Variants in NOL4L observed in about 807,000 individuals in gnomAD.
NOL4L encodes nucleolar protein 4 like, also known as nucleolar protein 4-like.
Under a neutral mutation model 64.5 loss-of-function variants are expected in NOL4L, and 7 were observed. The observed-to-expected ratio is 0.11, with a 90% CI of 0.06 to 0.20. The LOEUF (loss-of-function observed/expected upper bound fraction) is 0.20. NOL4L is among the 10% of genes least tolerant of loss of function. The pLI is 1.00. For missense variants in NOL4L, 680 were observed against 967.1 expected (o/e 0.70, Z 3.94); for synonymous variants, 413 against 401.0 (o/e 1.03, Z -0.36).
chr20:32,454,544 C>T (rs2013281621), intron 6 of NOL4L, among the ~76,000 whole-genome samples: 1 of 152,234 alleles, frequency 6.6e-6, no homozygotes. Context: ...GCAGCTCCCT[C>T]TTTTCCCCCA....
Position 32,585,024 on chromosome 20 carries a change from G to C in NOL4L, c.-134C>G, listed in dbSNP as rs1980798094. The stretch of plus-strand genomic sequence containing the variant: ...CTGTCCCGCGGTGTGGCTCCGGCGA[G>C]GCTGCTGGATGGGCGCGGGCGGCGG... On this transcript the variant is annotated 5_prime_UTR_variant, in exon 1 of 11. Transcript: ENST00000621426. 4 of 380,812 alleles carry C rather than the reference G, an allele frequency of 1.1e-5. No individual in the cohort carries two copies. The highest frequency in any genetic ancestry group is 9.7e-5 in the South Asian group (1 of 10,350). The allele number at this position is 380,812 out of a possible 1,614,324, so 23.6% of individuals were successfully genotyped here. A position where few individuals can be genotyped will look rare whatever the true frequency, so the allele number is the denominator to read the frequency against.
At chr20:32,490,075 G>GC (rs1462122639) in intron 4 of NOL4L, among the ~76,000 whole-genome samples, 1 of 137,604 alleles carries the variant, frequency 7.3e-6, no homozygotes, top group Non-Finnish European at 1.5e-5. Context: ...GCTGCAGTAA[G>GC]CCGGGATCAT....
At position 32,566,646 on chromosome 20, in the gene NOL4L, A is replaced by G. The variant is rs376158289; in HGVS notation, c.321+17924T>C. 7.9e-5 allele frequency among the ~76,000 whole-genome samples: 12 copies of G among 152,088 alleles called. No homozygotes were observed. In the East Asian group the frequency reaches 9.7e-4, roughly 12 times the overall value. On this transcript the variant is annotated intron_variant, in intron 1 of 10. Transcript: ENST00000621426. ...TCTACTTGGAATGTTTTTCCACCCA[A>G]TTCCCGTATAATTTGCTCCTACGGG...
At chr20:32,536,595 C>T (rs896362738) in intron 1 of NOL4L, among the ~76,000 whole-genome samples, 4 of 148,702 alleles carry the variant, frequency 2.7e-5, no homozygotes, top group Admixed American at 6.6e-5. Context: ...GGAGGGCCTG[C>T]TGGAGCGGCT....
At chr20:32,478,273 A>ACACACACACACACACACACT (rs1373957221) in intron 4 of NOL4L, among the ~76,000 whole-genome samples, 2 of 143,332 alleles carry the variant, frequency 1.4e-5, no homozygotes, top group South Asian at 2.2e-4. Context: ...ACACACACAC[A>ACACACACACACACACACACT]CTCTCTCTCT....
intron 4 of NOL4L, among the ~76,000 whole-genome samples, chr20:32,503,189 T>C (rs966484884): frequency 2.0e-5 from 3 of 152,180 alleles, no homozygotes; most frequent in African/African-American, 4.8e-5. Context: ...TGCTGCAGCA[T>C]AAACCTTCCA....
chr20:32,452,376 G>A lies in NOL4L; in HGVS notation c.1682C>T (p.Thr561Ile), dbSNP rs769277120. Residue 561 changes from threonine (T) to isoleucine (I), a missense_variant, in exon 10 of 11, where the codon ACC (threonine) becomes ATC (isoleucine). This residue lies in a region of NOL4L where 175 missense variants were observed against 227.0 expected (regional missense o/e 0.77). Coordinates refer to ENST00000621426, the MANE Select transcript of NOL4L (RefSeq NM_001256798.2). ...SRDSAAITHS[T>I]YSLPASSYSQ... The stretch of plus-strand genomic sequence containing the variant: ...GTAGGAGGAGGCTGGCAGTGAGTAG[G>A]TGGAGTGGGTGATGGCTGCGGAGTC... 1.9e-6 allele frequency: 3 copies of A among 1,612,414 alleles called. No individual in the cohort carries two copies. Among genetic ancestry groups the A allele is most frequent in the Non-Finnish European group, 2.5e-6 (3 of 1,179,192 alleles).
chr20:32,544,500 A>T (rs1375331342), intron 1 of NOL4L, among the ~76,000 whole-genome samples: 4 of 152,118 alleles, frequency 2.6e-5, no homozygotes, highest in Non-Finnish European at 5.9e-5. Flanking sequence ...GGTGCCAACA[A>T]GGATTTTTCT....
intron 4 of NOL4L, chr20:32,509,699 T>C: frequency 8.3e-7 from 1 of 1,198,200 alleles, no homozygotes; most frequent in Non-Finnish European, 1.1e-6. Flanking sequence ...CAAGTGAAGA[T>C]ACAGTTAGGA....
intron 4 of NOL4L, among the ~76,000 whole-genome samples, chr20:32,488,849 TTCTTTCTTTCTTTCTTTC>T: frequency 1.0e-5 from 1 of 97,334 alleles, no homozygotes; most frequent in African/African-American, 6.4e-5. Flanking sequence ...CTTTCTTTCT[TTCTTTCTTTCTTTCTTTC>T]TTTCTTTCTT....
In NOL4L at chr20:32,462,865, A is replaced by G. The variant is rs546061809; in HGVS notation, c.842-6470T>C. ...GGTTGCAGTGAGACAAGATCGCGCC[A>G]TTGGACTTCAGCCTGGCGACAAAGC... On this transcript the variant is annotated intron_variant, in intron 5 of 10. Transcript: ENST00000621426. 7.2e-5 allele frequency among the ~76,000 whole-genome samples: 10 copies of G among 138,294 alleles called. No individual in the cohort carries two copies. In the South Asian group the frequency reaches 2.2e-3, roughly 30 times the overall value. 90.7% of individuals were successfully genotyped at this position (138,294 alleles called of 152,430 possible).
At chr20:32,582,385 A>G (rs1442514006) in intron 1 of NOL4L, among the ~76,000 whole-genome samples, 2 of 152,108 alleles carry the variant, frequency 1.3e-5, no homozygotes, top group African/African-American at 2.4e-5. Context: ...GGTCTCAAGG[A>G]GCATCTGAAG....
At chr20:32,523,627 T>TA (rs1196682890) in intron 2 of NOL4L, among the ~76,000 whole-genome samples, 1 of 152,206 alleles carries the variant, frequency 6.6e-6, no homozygotes, top group Non-Finnish European at 1.5e-5. Flanking sequence ...AATAGACTCA[T>TA]ACACTGAAGC....
chr20:32,519,603 A>T (rs148497281), intron 3 of NOL4L: 2 of 152,210 alleles, frequency 1.3e-5, no homozygotes, highest in African/African-American at 4.8e-5. Context: ...GTACCAGCCA[A>T]ATGTGCTGGG....
Position 32,585,190 on chromosome 20 carries a change from C to T in NOL4L, c.-300G>A, listed in dbSNP as rs1980810228. 1 of 148,014 alleles carries T rather than the reference C, an allele frequency of 6.8e-6. No individual in the cohort carries two copies. Among genetic ancestry groups the T allele is most frequent in the Non-Finnish European group, 1.5e-5 (1 of 66,182 alleles). 9.2% of individuals were successfully genotyped at this position (148,014 alleles called of 1,614,324 possible). A position where few individuals can be genotyped will look rare whatever the true frequency, so the allele number is the denominator to read the frequency against. ...AGGAGCGATGGAGGCAGCTCCGGGCCCGGAGGTGCAGAGGGGGCGGGCCGC... is the reference window on the plus strand; with the variant it reads ...AGGAGCGATGGAGGCAGCTCCGGGCTCGGAGGTGCAGAGGGGGCGGGCCGC... On this transcript the variant is annotated 5_prime_UTR_variant, in exon 1 of 11. Transcript: ENST00000621426.
intron 4 of NOL4L, among the ~76,000 whole-genome samples, chr20:32,493,819 G>A (rs979187674): frequency 6.6e-6 from 1 of 152,198 alleles, no homozygotes; most frequent in Non-Finnish European, 1.5e-5. Flanking sequence ...GATGGTGCTG[G>A]TGCTGCTGCG....
At chr20:32,480,079 G>A (rs1474432381) in intron 4 of NOL4L, among the ~76,000 whole-genome samples, 2 of 152,148 alleles carry the variant, frequency 1.3e-5, no homozygotes, top group African/African-American at 4.8e-5. Flanking sequence ...TTGTAACTAC[G>A]GGCAGGTGCT....
At chr20:32,520,775 C>A (rs1386254252) in intron 3 of NOL4L, 36 bp downstream of exon 3, 1 of 1,359,128 alleles carries the variant, frequency 7.4e-7, no homozygotes, top group East Asian at 2.5e-5. Flanking sequence ...CTTAGATGGC[C>A]CCCGCCCTAG....
chr20:32,486,671 A>T, intron 4 of NOL4L: 1 of 466,306 alleles, frequency 2.1e-6, no homozygotes, highest in Non-Finnish European at 4.4e-6. Context: ...CAAATGACTT[A>T]TTAATGACAG....
Sources: gnomAD v4.1 joint callset for allele counts (sites outside exome capture counted in the v4.1 genomes callset) on GRCh38, gnomAD v4.1.1 for gene constraint, gnomAD v4.1.1 regional missense constraint, MANE v1.5 for transcripts, NCBI Gene and HGNC (gene_info 2026-07-23, HGNC 2026-07-21) for gene names.